The following ZNF200 variants were observed in gnomAD, a reference collection of about 807,000 sequenced individuals.
ZNF200 encodes zinc finger protein 200.
Under a neutral mutation model 33.6 loss-of-function variants are expected in ZNF200, and 35 were observed. That is an observed-to-expected ratio of 1.04 (90% confidence interval 0.80 to 1.38). ZNF200 has a LOEUF of 1.38. ZNF200 is among the 40% of genes most tolerant of loss of function. The pLI, the probability that ZNF200 is intolerant of heterozygous loss-of-function variation, is 0.00. For synonymous variants in ZNF200, 209 were observed against 167.7 expected (o/e 1.25, Z -1.90); for missense variants, 592 against 470.6 (o/e 1.26, Z -2.39).
chr16:3,224,866 G>C (rs1958427205), intron 4 of ZNF200: 2 of 482,536 alleles, frequency 4.1e-6, no homozygotes, highest in Non-Finnish European at 7.4e-6. Flanking sequence ...TCAAATGTTT[G>C]TTCTCTTCAT....
At chr16:3,228,409 G>T (rs1174172344) in intron 4 of ZNF200, among the ~76,000 whole-genome samples, 1 of 151,780 alleles carries the variant, frequency 6.6e-6, no homozygotes, top group Non-Finnish European at 1.5e-5. Context: ...ATTTTGTCAA[G>T]TATCTTTTCA....
chr16:3,231,171 G>A (rs574888916), intron 4 of ZNF200, among the ~76,000 whole-genome samples: 1 of 152,248 alleles, frequency 6.6e-6, no homozygotes, highest in South Asian at 2.1e-4. Flanking sequence ...GAAGTGCATA[G>A]TCGAAGTGAT....
chr16:3,233,855 G>A lies in ZNF200; in HGVS notation c.-81-19C>T, dbSNP rs1958716398. 9.3e-6 allele frequency: 14 copies of A among 1,503,794 alleles called. No individual in the cohort carries two copies. The highest frequency in any genetic ancestry group is 1.2e-5 in the Non-Finnish European group (14 of 1,127,970). 93.2% of individuals were successfully genotyped at this position (1,503,794 alleles called of 1,614,324 possible). On this transcript the variant is annotated intron_variant, in intron 1 of 4. Coordinates refer to ENST00000414144, the MANE Select transcript of ZNF200 (RefSeq NM_198088.3). Reference sequence around the variant, plus strand: ...AGCCAAGCTGTAGACAGAGAAACCAGGGATTACCCAAAAGACCAGGCACGG... The same window carrying A: ...AGCCAAGCTGTAGACAGAGAAACCAAGGATTACCCAAAAGACCAGGCACGG...
intron 1 of ZNF200, chr16:3,234,134 G>T: frequency 6.0e-6 from 1 of 166,192 alleles, no homozygotes. Context: ...GCCAGGTACC[G>T]GTGGCTCACA....
intron 4 of ZNF200, chr16:3,224,831 A>C: frequency 1.8e-6 from 1 of 561,152 alleles, no homozygotes; most frequent in Non-Finnish European, 3.1e-6. Flanking sequence ...AAGAAATAAA[A>C]TGAGTGGGAT....
chr16:3,228,262 T>C (rs1396757852), intron 4 of ZNF200, among the ~76,000 whole-genome samples: 1 of 152,208 alleles, frequency 6.6e-6, no homozygotes, highest in Admixed American at 6.5e-5. Flanking sequence ...CCTTAGTGAA[T>C]GGTCTCATTT....
chr16:3,224,352 G>A lies in ZNF200; in HGVS notation c.728C>T (p.Thr243Ile), dbSNP rs759556381. 3.1e-6 allele frequency: 5 copies of A among 1,614,060 alleles called. No individual in the cohort carries two copies. Among genetic ancestry groups the A allele is most frequent in the Admixed American group, 1.7e-5 (1 of 59,988 alleles). ...KYVDISIIAL[T>I]RNRRTRRWYT... is the part of the protein sequence containing the mutation. ...CCATCTCCTTGTCCTCCGATTTCGA[G>A]TAAGGGCAATAATACTGATGTCTAC... Residue 243 changes from threonine to isoleucine, a missense_variant, in exon 5 of 5, where the codon ACT becomes ATT. Coordinates refer to ENST00000414144, the MANE Select transcript of ZNF200 (RefSeq NM_198088.3).
At chr16:3,229,369 G>C (rs1032977259) in intron 4 of ZNF200, among the ~76,000 whole-genome samples, 3 of 151,536 alleles carry the variant, frequency 2.0e-5, no homozygotes, top group Non-Finnish European at 4.4e-5. Context: ...AAAACAATAG[G>C]ATAAATTTAA....
rs975837169 is a variant in ZNF200 at position 3,222,414 on chromosome 16, G to C, written c.*1478C>G. ...AACAAACTATTGAAAATTAACAACA[G>C]TGAGATGACTATACAAATATATAAT... On this transcript the variant is annotated 3_prime_UTR_variant, in exon 5 of 5. Coordinates refer to ENST00000414144, the MANE Select transcript of ZNF200 (RefSeq NM_198088.3). The C allele has an allele frequency of 1.3e-5, 2 of 152,158 alleles. No homozygotes were observed. The highest frequency in any genetic ancestry group is 2.9e-5 in the Non-Finnish European group (2 of 68,042). 9.4% of individuals were successfully genotyped at this position (152,158 alleles called of 1,614,324 possible).
At chr16:3,227,560 T>G (rs951926746) in intron 4 of ZNF200, 1 of 152,216 alleles carries the variant, frequency 6.6e-6, no homozygotes, top group Admixed American at 6.5e-5. Context: ...CAAGGAGACA[T>G]CAGGTGAAGG....
At chr16:3,230,392 T>C (rs1410708217) in intron 4 of ZNF200, among the ~76,000 whole-genome samples, 2 of 152,242 alleles carry the variant, frequency 1.3e-5, no homozygotes, top group Non-Finnish European at 2.9e-5. Context: ...TTGTACTGCA[T>C]TGTGACAGAT....
intron 4 of ZNF200, chr16:3,227,823 T>G (rs1958511561): frequency 6.6e-6 from 1 of 152,240 alleles, no homozygotes; most frequent in Non-Finnish European, 1.5e-5. Context: ...CTCGGACAAT[T>G]CTTTATACCA....
intron 4 of ZNF200, among the ~76,000 whole-genome samples, chr16:3,228,959 C>A (rs1958555241): frequency 6.6e-6 from 1 of 151,978 alleles, no homozygotes; most frequent in African/African-American, 2.4e-5. Flanking sequence ...GAGGATTCAA[C>A]CAACCAAGGA....
At chr16:3,228,869 A>G (rs8047323) in intron 4 of ZNF200, among the ~76,000 whole-genome samples, 152,285 of 152,286 alleles carry the variant, frequency 1, 76,142 homozygotes, top group Non-Finnish European at 1. Flanking sequence ...CCTTGCGTCA[A>G]AGGGGTAAAA....
chr16:3,232,948 T>TG (rs1958681251), intron 2 of ZNF200, 27 bp from the exon 3 acceptor site: 1 of 1,604,058 alleles, frequency 6.2e-7, no homozygotes, highest in South Asian at 1.1e-5. Flanking sequence ...GTTTAGTTAG[T>TG]GAAAAACTCA....
chr16:3,230,724 A>G (rs1172188957), intron 4 of ZNF200, among the ~76,000 whole-genome samples: 2 of 152,222 alleles, frequency 1.3e-5, no homozygotes, highest in African/African-American at 4.8e-5. Flanking sequence ...CATCACCTAT[A>G]AATTGATGGC....
chr16:3,233,473 C>T, intron 2 of ZNF200, 33 bp downstream of exon 2: 1 of 1,502,136 alleles, frequency 6.7e-7, no homozygotes, highest in Non-Finnish European at 8.9e-7. Context: ...ACCTCCTCCT[C>T]CTCTTCTAGT....
At chr16:3,232,948 T>A (rs1958681172) in intron 2 of ZNF200, 27 bp from the exon 3 acceptor site, 1 of 1,604,174 alleles carries the variant, frequency 6.2e-7, no homozygotes, top group Non-Finnish European at 8.5e-7. Context: ...GTTTAGTTAG[T>A]GAAAAACTCA....
intron 4 of ZNF200, chr16:3,226,534 C>T (rs1340766762): frequency 6.6e-6 from 1 of 152,180 alleles, no homozygotes. Context: ...AATAGTTTCT[C>T]ATTGTAGTTT....
Sources: gnomAD v4.1 joint callset for allele counts (sites outside exome capture counted in the v4.1 genomes callset) on GRCh38, gnomAD v4.1.1 for gene constraint, MANE v1.5 for transcripts, NCBI Gene and HGNC (gene_info 2026-07-23, HGNC 2026-07-21) for gene names.